The following MYH14 variants were observed in gnomAD, a reference collection of about 807,000 sequenced individuals.
MYH14 encodes the protein myosin-14.
Under a neutral mutation model 255.5 loss-of-function variants are expected in MYH14, and 123 were observed. The ratio of observed to expected loss-of-function variants is 0.48; its 90% confidence interval spans 0.42 to 0.56. MYH14 has a LOEUF of 0.56. MYH14 is among the 20% of genes least tolerant of loss of function. The pLI is 0.00. For missense variants in MYH14, 2,423 were observed against 2,802.3 expected (o/e 0.86, Z 3.06); for synonymous variants, 1,095 against 1,161.2 (o/e 0.94, Z 1.16).
At position 50,257,421 on chromosome 19, in the gene MYH14, A is replaced by T; in HGVS notation, c.2167A>T (p.Met723Leu). Reference protein sequence around the residue: ...QLYKESLSRLMATLSNTNPSF... With the variant: ...QLYKESLSRLLATLSNTNPSF... ...CTACAAGGAGTCCCTGAGCCGCCTCATGGCCACACTCAGCAACACCAACCC... is the reference window on the plus strand; with the variant it reads ...CTACAAGGAGTCCCTGAGCCGCCTCTTGGCCACACTCAGCAACACCAACCC... The change falls in exon 18 of 43, where the codon ATG becomes TTG. Residue 723 changes from methionine (M) to leucine (L), a missense_variant. This residue lies in a region of MYH14 where 672 missense variants were observed against 881.8 expected (regional missense o/e 0.76). Coordinates refer to ENST00000642316, the MANE Select transcript of MYH14 (RefSeq NM_001145809.2). 6.2e-7 allele frequency: 1 copy of T among 1,608,426 alleles called. No homozygotes were observed. Among genetic ancestry groups the T allele is most frequent in the South Asian group, 1.1e-5 (1 of 89,836 alleles).
At chr19:50,244,429 C>T (rs2034015712) in intron 11 of MYH14, 92 bp downstream of exon 11, 2 of 926,392 alleles carry the variant, frequency 2.2e-6, no homozygotes, top group Non-Finnish European at 3.5e-6. Context: ...AGAGAGCATC[C>T]CCCTTCCAGC....
At chr19:50,270,736 C>T (rs1217761097) in intron 24 of MYH14, among the ~76,000 whole-genome samples, 1 of 151,298 alleles carries the variant, frequency 6.6e-6, no homozygotes, top group East Asian at 1.9e-4. Context: ...ACTCTGTTGC[C>T]CAGGCTGGAG....
At position 50,259,275 on chromosome 19, in the gene MYH14, A is replaced by G; in HGVS notation, c.2354+10A>G. ...AGGAGTTCCGGCAGCGGTGAGCTAG[A>G]GCGAGGGCCCAGGCCCGGCGGAGGG... is the stretch of plus-strand genomic sequence containing the variant. On this transcript the variant is annotated intron_variant, in intron 19 of 42. Coordinates refer to ENST00000642316, the MANE Select transcript of MYH14 (RefSeq NM_001145809.2). The G allele has an allele frequency of 6.4e-7, 1 of 1,565,328 alleles. No individual in the cohort carries two copies. The highest frequency in any genetic ancestry group is 1.2e-5 in the South Asian group (1 of 85,268).
intron 1 of MYH14, 83 bp downstream of exon 1, chr19:50,203,754 G>C (rs112176881): frequency 6.6e-6 from 1 of 152,324 alleles, no homozygotes; most frequent in African/African-American, 2.4e-5. Context: ...GGCTGCGATC[G>C]GGGCCCGGGA....
In MYH14 at chr19:50,276,654, C is replaced by T; in HGVS notation, c.3681-103C>T. ...CCTGAGGAGCATAACATGAGGCCCT[C>T]ATATTTTAAGGAAACATGAAAAGGA... is the stretch of plus-strand genomic sequence containing the variant. On this transcript the variant is annotated intron_variant, in intron 28 of 42. Transcript: ENST00000642316. The surrounding 1 kb of genome is among the most constrained non-coding windows in gnomAD (Gnocchi z 4.3). The T allele has an allele frequency of 6.7e-7, 1 of 1,483,328 alleles. No homozygotes were observed. Among genetic ancestry groups the T allele is most frequent in the Non-Finnish European group, 9.4e-7 (1 of 1,067,926 alleles). The allele number at this position is 1,483,328 out of a possible 1,614,324, so 91.9% of individuals were successfully genotyped here.
chr19:50,228,484 A>T (rs2033216057), intron 8 of MYH14, among the ~76,000 whole-genome samples: 1 of 152,096 alleles, frequency 6.6e-6, no homozygotes, highest in Non-Finnish European at 1.5e-5. Context: ...GGCATGAAGC[A>T]GCCAGCCGGC....
At chr19:50,282,643 C>T (rs1191487830) in intron 33 of MYH14, among the ~76,000 whole-genome samples, 7 of 152,118 alleles carry the variant, frequency 4.6e-5, no homozygotes, top group African/African-American at 1.7e-4. Flanking sequence ...GCGGAGGTTG[C>T]AGTGAGCCAA....
At chr19:50,309,609 A>G (rs1288248623) in intron 42 of MYH14, 31 bp from the exon 43 acceptor site, 2 of 1,417,062 alleles carry the variant, frequency 1.4e-6, no homozygotes, top group South Asian at 1.3e-5. Context: ...CCCTCATTTC[A>G]TCTCTGTATC....
intron 10 of MYH14, among the ~76,000 whole-genome samples, chr19:50,235,098 G>A (rs974484312): frequency 7.9e-5 from 12 of 152,182 alleles, no homozygotes; most frequent in African/African-American, 2.9e-4. Flanking sequence ...CCGGCCAAGT[G>A]CAGTGGCTCA....
intron 34 of MYH14, 49 bp downstream of exon 34, chr19:50,286,743 G>C: frequency 6.9e-7 from 1 of 1,458,354 alleles, no homozygotes; most frequent in Middle Eastern, 2.4e-4. Context: ...GGGGAGACAC[G>C]TACATGCATG....
intron 18 of MYH14, 132 bp from the exon 19 acceptor site, chr19:50,259,012 C>G: frequency 7.9e-7 from 1 of 1,261,572 alleles, no homozygotes; most frequent in African/African-American, 1.5e-5. Flanking sequence ...CTTCCCAGGG[C>G]CTAGAACCGT....
intron 34 of MYH14, 93 bp from the exon 35 acceptor site, chr19:50,289,343 C>G (rs2035989158): frequency 2.0e-6 from 2 of 1,025,556 alleles, no homozygotes; most frequent in Non-Finnish European, 2.9e-6. Context: ...TGCCATCTCC[C>G]CATCCTCCAT....
chr19:50,272,702 G>A lies in MYH14; in HGVS notation c.3438G>A (p.Lys1146=). 5 of 1,551,854 alleles carry A rather than the reference G, an allele frequency of 3.2e-6. No individual in the cohort carries two copies. Among genetic ancestry groups the A allele is most frequent in the Non-Finnish European group, 4.4e-6 (5 of 1,148,098 alleles). Residue 1146 remains lysine (K), a synonymous_variant, in exon 27 of 43, where the codon AAG becomes AAA. Transcript: ENST00000642316. ...AGCTGCGGGCCCAGCTGGGCCGGAA[G>A]GAGGAGGAGCTGCAGGCTGCCCTGG... ...AEELRAQLGR[K]EEELQAALAR...
chr19:50,204,604 G>A (rs58121379), intron 1 of MYH14, among the ~76,000 whole-genome samples: 8,697 of 152,242 alleles, frequency 0.057, 662 homozygotes, highest in East Asian at 0.25. Flanking sequence ...GGTTGTTGAG[G>A]TTATTCTAGG....
At chr19:50,281,078 C>G (rs1311132303) in intron 32 of MYH14, among the ~76,000 whole-genome samples, 1 of 152,198 alleles carries the variant, frequency 6.6e-6, no homozygotes, top group Admixed American at 6.5e-5. Flanking sequence ...GTCTGTAGCA[C>G]AGCCTGATAT....
intron 1 of MYH14, among the ~76,000 whole-genome samples, chr19:50,207,314 A>AGAGAGAGG (rs1421706994): frequency 6.9e-6 from 1 of 143,948 alleles, no homozygotes; most frequent in Non-Finnish European, 1.5e-5. Flanking sequence ...AGAGAGAGAG[A>AGAGAGAGG]CTAGGGGCAG....
chr19:50,211,153 C>T (rs117803452), intron 2 of MYH14, among the ~76,000 whole-genome samples: 2,825 of 152,078 alleles, frequency 0.019, 43 homozygotes, highest in Middle Eastern at 0.031. Flanking sequence ...GGCAACAAAA[C>T]GAGACCCTAT....
chr19:50,208,423 AAAACAAACAAAC>A (rs139261539), intron 1 of MYH14, among the ~76,000 whole-genome samples: 7,442 of 150,296 alleles, frequency 0.05, 302 homozygotes, highest in African/African-American at 0.11. Flanking sequence ...TCAAAAAACA[AAAACAAACAAAC>A]AAACAAACAA....
At chr19:50,285,350 A>G (rs1193954159) in intron 33 of MYH14, 2 of 152,242 alleles carry the variant, frequency 1.3e-5, no homozygotes, top group Non-Finnish European at 2.9e-5. Context: ...AACTGACATC[A>G]TAACAATATT....
Sources: allele counts gnomAD v4.1 joint callset (sites outside exome capture counted in the v4.1 genomes callset), GRCh38; gene constraint gnomAD v4.1.1; regional missense constraint gnomAD v4.1.1; non-coding constraint Gnocchi (gnomAD v3.1); transcripts MANE v1.5; gene names NCBI Gene and HGNC (gene_info 2026-07-23, HGNC 2026-07-21).